The following SLC12A8 variants were observed in gnomAD, a reference collection of about 807,000 sequenced individuals.
The protein encoded by SLC12A8 is cation-chloride cotransporter 9.
Under a neutral mutation model 75.6 loss-of-function variants are expected in SLC12A8, and 69 were observed. That is an observed-to-expected ratio of 0.91 (90% CI 0.75 to 1.11). The LOEUF (loss-of-function observed/expected upper bound fraction) is 1.11. Ranked by LOEUF, SLC12A8 falls within the 50% of genes most tolerant of loss-of-function variation. The pLI is 0.00. For synonymous variants in SLC12A8, 365 were observed against 372.8 expected, an observed-to-expected ratio of 0.98 and a Z score of 0.24; for missense variants, 877 against 896.7, an observed-to-expected ratio of 0.98 and a Z score of 0.28.
chr3:125,210,658 A>G (rs607784), intron 2 of SLC12A8, among the ~76,000 whole-genome samples: 138,564 of 152,264 alleles, frequency 0.91, 63,261 homozygotes, highest in African/African-American at 0.98. Flanking sequence ...AGAAGCAGGA[A>G]AGAAACCCAA....
intron 6 of SLC12A8, among the ~76,000 whole-genome samples, chr3:125,128,596 C>G (rs1222245615): frequency 1.3e-5 from 2 of 151,888 alleles, no homozygotes; most frequent in Non-Finnish European, 2.9e-5. Context: ...TTTCCTGCCT[C>G]AGCCTCCCGA....
intron 6 of SLC12A8, among the ~76,000 whole-genome samples, chr3:125,123,865 G>A (rs1032968206): frequency 2.6e-5 from 4 of 152,114 alleles, no homozygotes; most frequent in Non-Finnish European, 2.9e-5. Context: ...AGTTTGTCAG[G>A]TCATTTTGTA....
intron 2 of SLC12A8, among the ~76,000 whole-genome samples, chr3:125,198,971 G>A (rs1362134838): frequency 1.3e-5 from 2 of 151,856 alleles, no homozygotes; most frequent in African/African-American, 4.8e-5. Context: ...GTAGAGATGG[G>A]GTTTCACCGT....
chr3:125,148,800 GC>G (rs1170001831), intron 5 of SLC12A8, among the ~76,000 whole-genome samples: 1 of 152,156 alleles, frequency 6.6e-6, no homozygotes, highest in Admixed American at 6.5e-5. Flanking sequence ...CCCACTTTGT[GC>G]TTTATACAGA....
chr3:125,097,222 T>C (rs1418081282), intron 10 of SLC12A8, among the ~76,000 whole-genome samples: 1 of 151,174 alleles, frequency 6.6e-6, no homozygotes, highest in Non-Finnish European at 1.5e-5. Context: ...CCGTCTCTAC[T>C]AAAAAAAATA....
rs765865310 is a variant in SLC12A8, at chr3:125,110,323, C to G, written c.925G>C (p.Gly309Arg). The G allele has an allele frequency of 2.0e-5, 32 of 1,613,434 alleles. No homozygotes were observed. The South Asian group carries it at 3.5e-4, about 18-fold the overall frequency. ...FLIAEKVSLM[G>R]FLFLLGLYIS... ...TATAAGCCCAAAAGGAACAGGAAGC[C>G]CATGAGGGATACCTGTGTGAGAAGC... Residue 309 changes from glycine (G) to arginine (R), a missense_variant, in exon 9 of 14, where the codon GGC (glycine) becomes CGC (arginine). Gly to Arg is a moderately radical substitution (Grantham distance 125, BLOSUM62 -2). Coordinates refer to ENST00000469902, the MANE Select transcript of SLC12A8 (RefSeq NM_024628.6).
intron 5 of SLC12A8, among the ~76,000 whole-genome samples, chr3:125,141,449 T>C (rs1192806458): frequency 6.6e-6 from 1 of 152,154 alleles, no homozygotes; most frequent in African/African-American, 2.4e-5. Flanking sequence ...GCAGGGCTGC[T>C]TGGGGTGCCC....
intron 4 of SLC12A8, among the ~76,000 whole-genome samples, chr3:125,182,760 C>A (rs770084938): frequency 3.9e-5 from 6 of 152,186 alleles, no homozygotes; most frequent in Non-Finnish European, 7.3e-5. Flanking sequence ...CCCGCCTTGG[C>A]CTCCCAAAGT....
intron 5 of SLC12A8, among the ~76,000 whole-genome samples, chr3:125,148,382 C>A (rs1487994539): frequency 1.3e-5 from 2 of 152,116 alleles, no homozygotes; most frequent in Non-Finnish European, 2.9e-5. Context: ...AAGGTGCATG[C>A]CTCAGTCCCC....
At chr3:125,118,469 TA>T (rs570128430) in intron 8 of SLC12A8, among the ~76,000 whole-genome samples, 1,867 of 149,132 alleles carry the variant, frequency 0.013, 36 homozygotes, top group African/African-American at 0.042. Context: ...ACCAAAAAAT[TA>T]AAAAAAAAAT....
chr3:125,133,890 C>A (rs967398552), intron 6 of SLC12A8, among the ~76,000 whole-genome samples: 1 of 151,714 alleles, frequency 6.6e-6, no homozygotes, highest in Non-Finnish European at 1.5e-5. Context: ...TATTTTTCAT[C>A]CCCCCAAAGT....
Position 125,158,413 on chromosome 3 carries a change from G to T in SLC12A8, c.622+19330C>A, listed in dbSNP as rs183678158. Among the ~76,000 whole-genome samples, 856 of 152,134 alleles carry T rather than the reference G, an allele frequency of 5.6e-3. 7 individuals carry two copies. Among genetic ancestry groups the T allele is most frequent in the South Asian group, 0.023 (111 of 4,804 alleles). On this transcript the variant is annotated intron_variant, in intron 5 of 13. Coordinates refer to ENST00000469902, the MANE Select transcript of SLC12A8 (RefSeq NM_024628.6). ...TTTTTGTATTTTTAGTAGAGACGGG[G>T]TTTCACCATGTTGCCCAGGATGGTC...
At chr3:125,095,164 C>T (rs1938683822) in intron 10 of SLC12A8, among the ~76,000 whole-genome samples, 2 of 152,176 alleles carry the variant, frequency 1.3e-5, no homozygotes, top group East Asian at 1.9e-4. Context: ...TTACATCATC[C>T]TCGACCTCTC....
At chr3:125,140,311 G>A (rs1479733125) in intron 5 of SLC12A8, among the ~76,000 whole-genome samples, 3 of 152,138 alleles carry the variant, frequency 2.0e-5, no homozygotes, top group Admixed American at 1.3e-4. Context: ...CTGAGGCTCC[G>A]GAACGTGAAA....
At chr3:125,194,438 A>G (rs1560082777) in intron 2 of SLC12A8, among the ~76,000 whole-genome samples, 1 of 140,028 alleles carries the variant, frequency 7.1e-6, no homozygotes, top group African/African-American at 2.6e-5. Context: ...GGTGGGGGGC[A>G]GATTGGTGGG....
chr3:125,138,845 A>AACACACACACACACACACACAC (rs3061221), intron 5 of SLC12A8, among the ~76,000 whole-genome samples: 1 of 137,746 alleles, frequency 7.3e-6, no homozygotes, highest in African/African-American at 2.8e-5. Context: ...CCTTCTACAA[A>AACACACACACACACACACACAC]ACACACACAC....
intron 8 of SLC12A8, among the ~76,000 whole-genome samples, chr3:125,117,709 G>A (rs1939347507): frequency 6.6e-6 from 1 of 152,194 alleles, no homozygotes; most frequent in Non-Finnish European, 1.5e-5. Flanking sequence ...AAAATGATGG[G>A]AATCTCAGGG....
At chr3:125,212,306 A>G (rs1335918877) in intron 1 of SLC12A8, among the ~76,000 whole-genome samples, 1 of 152,096 alleles carries the variant, frequency 6.6e-6, no homozygotes, top group Non-Finnish European at 1.5e-5. Flanking sequence ...ACAGGTAGGG[A>G]GCCAGAGCAC....
At chr3:125,163,523 T>C (rs1166313388) in intron 5 of SLC12A8, among the ~76,000 whole-genome samples, 2 of 148,124 alleles carry the variant, frequency 1.4e-5, no homozygotes, top group African/African-American at 5.0e-5. Flanking sequence ...GGTGTGAACC[T>C]GGGAGGCAGA....
Sources: gnomAD v4.1 joint callset for allele counts (sites outside exome capture counted in the v4.1 genomes callset) on GRCh38, gnomAD v4.1.1 for gene constraint, MANE v1.5 for transcripts, NCBI Gene and HGNC (gene_info 2026-07-23, HGNC 2026-07-21) for gene names.